The following ARHGAP42 variants were observed in gnomAD, a reference collection of about 807,000 sequenced individuals.
The protein encoded by ARHGAP42 is rho GTPase-activating protein 42.
A neutral mutation model predicts 125.0 loss-of-function variants in ARHGAP42; 63 were observed. That is an observed-to-expected ratio of 0.50 (90% CI 0.41 to 0.62). The LOEUF (loss-of-function observed/expected upper bound fraction) is 0.62. Among genes scored for constraint, ARHGAP42 ranks in the 20% least tolerant of loss-of-function variants. The pLI, the probability that ARHGAP42 is intolerant of heterozygous loss-of-function variation, is 0.00. For missense variants in ARHGAP42, 766 were observed against 1,024.2 expected (o/e 0.75, Z 3.44); for synonymous variants, 339 against 351.0 (o/e 0.97, Z 0.38).
At chr11:100,987,054 C>T (rs1565308557) in intron 22 of ARHGAP42, among the ~76,000 whole-genome samples, 1 of 152,084 alleles carries the variant, frequency 6.6e-6, no homozygotes, top group Non-Finnish European at 1.5e-5. Context: ...CTATATCACG[C>T]CCAATCAACT....
intron 2 of ARHGAP42, among the ~76,000 whole-genome samples, chr11:100,780,629 G>T (rs528212159): frequency 3.3e-5 from 5 of 152,210 alleles, no homozygotes; most frequent in African/African-American, 1.2e-4. Context: ...GCCGAAGGCC[G>T]ATGGGGATTA....
rs1215941883 is a variant in ARHGAP42 at position 100,779,461 on chromosome 11, A to ATAT, written c.250+9023_250+9024insTAT. On this transcript the variant is annotated intron_variant, in intron 2 of 23. Transcript: ENST00000298815. Reference sequence around the variant, plus strand: ...ACTGCGTCTCAAAAAAAAAAAAAAAAAAAAAAATATATATATATATATATA... The same window carrying ATAT: ...ACTGCGTCTCAAAAAAAAAAAAAAAATATAAAAAAATATATATATATATATATA... 1.2e-3 allele frequency among the ~76,000 whole-genome samples: 97 copies of ATAT among 80,328 alleles called. 1 individual carries two copies. Among genetic ancestry groups the ATAT allele is most frequent in the South Asian group, 3.3e-3 (6 of 1,828 alleles). The allele number at this position is 80,328 out of a possible 152,430, so 52.7% of individuals were successfully genotyped here. A position where few individuals can be genotyped will look rare whatever the true frequency, so the allele number is the denominator to read the frequency against.
At chr11:100,699,507 T>TATATATATATATACATA (rs1491440671) in intron 1 of ARHGAP42, among the ~76,000 whole-genome samples, 1 of 28,610 alleles carries the variant, frequency 3.5e-5, no homozygotes, top group African/African-American at 1.8e-4. Flanking sequence ...TATATATATA[T>TATATATATATATACATA]TTTTTTTTTT....
At chr11:100,909,275 G>T (rs932372331) in intron 4 of ARHGAP42, among the ~76,000 whole-genome samples, 1 of 151,098 alleles carries the variant, frequency 6.6e-6, no homozygotes, top group African/African-American at 2.4e-5. Flanking sequence ...TTGCTTTTGA[G>T]GTTTTAGTCG....
intron 1 of ARHGAP42, among the ~76,000 whole-genome samples, chr11:100,723,028 T>A (rs1436032803): frequency 2.0e-5 from 3 of 152,242 alleles, no homozygotes; most frequent in African/African-American, 7.2e-5. Flanking sequence ...GGATGTCGTG[T>A]TGTTCCAGCA....
intron 3 of ARHGAP42, among the ~76,000 whole-genome samples, chr11:100,853,545 A>G (rs1385212401): frequency 6.6e-6 from 1 of 152,160 alleles, no homozygotes; most frequent in African/African-American, 2.4e-5. Flanking sequence ...TTAGTACACA[A>G]ATAGTTTCAT....
chr11:100,750,349 C>T (rs890654667), intron 1 of ARHGAP42, among the ~76,000 whole-genome samples: 1 of 151,008 alleles, frequency 6.6e-6, no homozygotes, highest in African/African-American at 2.4e-5. Flanking sequence ...TAGGGTTAGA[C>T]CACACAGGCT....
In ARHGAP42 at chr11:100,948,660, C is replaced by T. The variant is rs1027267274; in HGVS notation, c.1122+125C>T. The T allele has an allele frequency of 3.4e-5, 24 of 712,040 alleles. No homozygotes were observed. In the East Asian group the frequency reaches 3.8e-4, roughly 11 times the overall value. The allele number at this position is 712,040 out of a possible 1,614,324, so 44.1% of individuals were successfully genotyped here. A position where few individuals can be genotyped will look rare whatever the true frequency, so the allele number is the denominator to read the frequency against. On this transcript the variant is annotated intron_variant, in intron 11 of 23. Coordinates refer to ENST00000298815, the MANE Select transcript of ARHGAP42 (RefSeq NM_152432.4). The stretch of plus-strand genomic sequence containing the variant: ...AATTGAAAATATTAAAAAAGGAAAT[C>T]AGGGGAGTAGAGACTTTTATGGTTT...
intron 2 of ARHGAP42, among the ~76,000 whole-genome samples, chr11:100,781,533 A>G (rs947034045): frequency 2.0e-5 from 3 of 152,202 alleles, no homozygotes; most frequent in Admixed American, 6.5e-5. Context: ...TTCACTCAAT[A>G]AATACTTACC....
At chr11:100,756,995 C>T (rs1292718599) in intron 1 of ARHGAP42, among the ~76,000 whole-genome samples, 1 of 152,080 alleles carries the variant, frequency 6.6e-6, no homozygotes, top group African/African-American at 2.4e-5. Context: ...ATACTTTAAA[C>T]ATAAGATGCA....
intron 4 of ARHGAP42, among the ~76,000 whole-genome samples, chr11:100,903,723 T>G (rs1204490626): frequency 2.7e-5 from 2 of 74,498 alleles, no homozygotes; most frequent in Non-Finnish European, 5.1e-5. Flanking sequence ...TATATATATA[T>G]ATATATATAT....
chr11:100,703,969 A>G (rs1387320746), intron 1 of ARHGAP42, among the ~76,000 whole-genome samples: 1 of 151,924 alleles, frequency 6.6e-6, no homozygotes, highest in Non-Finnish European at 1.5e-5. Flanking sequence ...AAATGTAATT[A>G]TGCTGAAGGT....
At chr11:100,722,039 T>C (rs1861767893) in intron 1 of ARHGAP42, among the ~76,000 whole-genome samples, 1 of 152,236 alleles carries the variant, frequency 6.6e-6, no homozygotes, top group Non-Finnish European at 1.5e-5. Flanking sequence ...CCAAAGTGGC[T>C]GTACCATTTT....
intron 16 of ARHGAP42, among the ~76,000 whole-genome samples, chr11:100,965,437 G>T (rs917380064): frequency 1.3e-5 from 2 of 152,170 alleles, no homozygotes; most frequent in African/African-American, 4.8e-5. Context: ...AAGAGCATCT[G>T]TGTGGAATCA....
At chr11:100,976,672 T>C in intron 20 of ARHGAP42, 143 bp from the exon 21 acceptor site, 3 of 1,123,790 alleles carry the variant, frequency 2.7e-6, no homozygotes, top group Non-Finnish European at 2.5e-6. Flanking sequence ...CCCCAAGTGA[T>C]GGGTTGCTGT....
intron 1 of ARHGAP42, chr11:100,738,514 C>T (rs1862114077): frequency 6.6e-6 from 1 of 152,168 alleles, no homozygotes; most frequent in African/African-American, 2.4e-5. Flanking sequence ...TCACTAATTC[C>T]ATCAGATGTA....
chr11:100,702,668 GTTCT>G lies in ARHGAP42; in HGVS notation c.154+14839_154+14842del, dbSNP rs1291333744. Among the ~76,000 whole-genome samples, 26 of 132,742 alleles carry G rather than the reference GTTCT, an allele frequency of 2.0e-4. 3 individuals are homozygous for G. Among genetic ancestry groups the G allele is most frequent in the African/African-American group, 7.1e-4 (24 of 34,038 alleles). 87.1% of individuals were successfully genotyped at this position (132,742 alleles called of 152,430 possible). On this transcript the variant is annotated intron_variant, in intron 1 of 23. Transcript: ENST00000298815. Reference sequence around the variant, plus strand: ...ACATCCAGGTGCCTAGGATATTTGTGTTCTTTTTTTTTTTTTTTTTGACACGGAG... The same window carrying G: ...ACATCCAGGTGCCTAGGATATTTGTGTTTTTTTTTTTTTTTTGACACGGAG...
chr11:100,708,627 A>G (rs1861514784), intron 1 of ARHGAP42, among the ~76,000 whole-genome samples: 2 of 152,238 alleles, frequency 1.3e-5, no homozygotes, highest in Non-Finnish European at 2.9e-5. Context: ...TCACTATTAA[A>G]AATATTCCAA....
chr11:100,917,025 G>C (rs1275825529), intron 5 of ARHGAP42, among the ~76,000 whole-genome samples: 1 of 117,242 alleles, frequency 8.5e-6, no homozygotes, highest in Non-Finnish European at 1.8e-5. Flanking sequence ...TTGTGTGTGT[G>C]TGTGTGTGTG....
Sources: gnomAD v4.1 joint callset for allele counts (sites outside exome capture counted in the v4.1 genomes callset) on GRCh38, gnomAD v4.1.1 for gene constraint, MANE v1.5 for transcripts, NCBI Gene and HGNC (gene_info 2026-07-23, HGNC 2026-07-21) for gene names.